Variants in CSMD1 observed in about 807,000 individuals in gnomAD.
CSMD1 encodes the protein CUB and Sushi multiple domains 1.
Under a neutral mutation model 417.5 loss-of-function variants are expected in CSMD1, and 213 were observed. The ratio of observed to expected loss-of-function variants is 0.51; its 90% CI spans 0.46 to 0.57. The LOEUF (loss-of-function observed/expected upper bound fraction) is 0.57, where lower values mean the gene tolerates loss of function less well. Among genes scored for constraint, CSMD1 ranks in the 20% least tolerant of loss-of-function variants. The pLI, the probability that CSMD1 is intolerant of heterozygous loss-of-function variation, is 0.00. For synonymous variants in CSMD1, 2,862 were observed against 1,736.8 expected (o/e 1.65, Z -16.11); for missense variants, 6,923 against 4,529.7 (o/e 1.53, Z -15.17).
chr8:3,797,390 T>C (rs113074246), intron 5 of CSMD1, among the ~76,000 whole-genome samples: 23 of 152,094 alleles, frequency 1.5e-4, no homozygotes, highest in Middle Eastern at 6.8e-3. Flanking sequence ...ATAAAACATT[T>C]TCATCAATAT....
chr8:4,955,494 C>A (rs1809038078), intron 1 of CSMD1, among the ~76,000 whole-genome samples: 1 of 151,578 alleles, frequency 6.6e-6, no homozygotes, highest in African/African-American at 2.4e-5. Context: ...CTCACTCTGT[C>A]ACCCAGGCTG....
intron 8 of CSMD1, among the ~76,000 whole-genome samples, chr8:3,591,930 G>A (rs1282858800): frequency 1.3e-5 from 2 of 152,104 alleles, no homozygotes; most frequent in Non-Finnish European, 2.9e-5. Context: ...CAGATACATA[G>A]ATGGATAGAT....
At position 3,449,128 on chromosome 8, in the gene CSMD1, T is replaced by G. The variant is rs548705297; in HGVS notation, c.1561+19584A>C. On this transcript the variant is annotated intron_variant, in intron 12 of 69. Coordinates refer to ENST00000635120, the MANE Select transcript of CSMD1 (RefSeq NM_033225.6). ...CAGCACAAAGCAACATGCAAAGCAC[T>G]TGTAATACACTTAATCTTTGAGTTT... Among the ~76,000 whole-genome samples, 23 of 152,340 alleles carry G rather than the reference T, an allele frequency of 1.5e-4. No homozygotes were observed. In the South Asian group the frequency reaches 1.9e-3, roughly 12 times the overall value.
intron 41 of CSMD1, among the ~76,000 whole-genome samples, chr8:3,135,390 G>T (rs1008798751): frequency 1.3e-5 from 2 of 152,102 alleles, no homozygotes; most frequent in East Asian, 1.9e-4. Context: ...CCTTCTTAAA[G>T]GAACTGGCTT....
intron 3 of CSMD1, among the ~76,000 whole-genome samples, chr8:4,172,992 C>T (rs749965100): frequency 2.6e-5 from 4 of 152,130 alleles, no homozygotes; most frequent in African/African-American, 9.7e-5. Context: ...TCCTGACCCA[C>T]AGAAACCTTG....
intron 52 of CSMD1, among the ~76,000 whole-genome samples, chr8:3,010,005 C>T (rs553607224): frequency 6.6e-6 from 1 of 152,158 alleles, no homozygotes; most frequent in Non-Finnish European, 1.5e-5. Flanking sequence ...GAATATACCC[C>T]ATTTCCACCT....
chr8:4,760,298 A>T (rs1811958581), intron 1 of CSMD1, among the ~76,000 whole-genome samples: 1 of 152,202 alleles, frequency 6.6e-6, no homozygotes, highest in South Asian at 2.1e-4. Flanking sequence ...TGTGAAGATA[A>T]TTCTTCTAAT....
At chr8:3,280,901 G>C (rs186754374) in intron 26 of CSMD1, among the ~76,000 whole-genome samples, 1 of 152,162 alleles carries the variant, frequency 6.6e-6, no homozygotes, top group Non-Finnish European at 1.5e-5. Flanking sequence ...AGAGAATCAT[G>C]AATATATAGA....
intron 7 of CSMD1, among the ~76,000 whole-genome samples, chr8:3,662,846 G>A (rs144092484): frequency 1.1e-3 from 172 of 152,132 alleles, no homozygotes; most frequent in East Asian, 9.7e-3. Flanking sequence ...CGGTGGGTAG[G>A]GGGAAAGAGG....
intron 38 of CSMD1, among the ~76,000 whole-genome samples, chr8:3,159,551 G>T (rs1819750226): frequency 6.6e-6 from 1 of 152,164 alleles, no homozygotes; most frequent in African/African-American, 2.4e-5. Flanking sequence ...TGACTAATAT[G>T]TAATTGATGC....
chr8:3,856,630 C>T (rs1008985280), intron 5 of CSMD1, among the ~76,000 whole-genome samples: 1 of 152,186 alleles, frequency 6.6e-6, no homozygotes, highest in African/African-American at 2.4e-5. Context: ...GTGCCCCTCC[C>T]TGCAGCAGCA....
chr8:2,966,365 G>T, intron 58 of CSMD1, among the ~76,000 whole-genome samples: 1 of 152,048 alleles, frequency 6.6e-6, no homozygotes, highest in East Asian at 1.9e-4. Context: ...GCCTTTTAAA[G>T]TAGCTTCAGC....
At chr8:3,287,394 G>A (rs1584933707) in intron 25 of CSMD1, among the ~76,000 whole-genome samples, 1 of 152,154 alleles carries the variant, frequency 6.6e-6, no homozygotes, top group Non-Finnish European at 1.5e-5. Flanking sequence ...ACCTTGGGCA[G>A]TATGGCCATT....
chr8:3,564,627 T>C (rs1799620183), intron 10 of CSMD1, among the ~76,000 whole-genome samples: 1 of 137,120 alleles, frequency 7.3e-6, no homozygotes, highest in Admixed American at 7.2e-5. Flanking sequence ...GAGGAGGCAG[T>C]AAAAATAAAT....
chr8:3,081,240 A>T (rs1261127911), intron 49 of CSMD1, among the ~76,000 whole-genome samples: 1 of 152,200 alleles, frequency 6.6e-6, no homozygotes, highest in East Asian at 1.9e-4. Context: ...ATTTGAATAT[A>T]TTCTTCTAGA....
intron 2 of CSMD1, among the ~76,000 whole-genome samples, chr8:4,590,419 T>G (rs964753819): frequency 6.6e-6 from 1 of 152,230 alleles, no homozygotes; most frequent in Non-Finnish European, 1.5e-5. Context: ...ATTAATTTTA[T>G]GTTATTCATC....
chr8:3,960,993 A>G (rs551403161), intron 5 of CSMD1, among the ~76,000 whole-genome samples: 11 of 151,000 alleles, frequency 7.3e-5, no homozygotes, highest in South Asian at 2.1e-4. Context: ...AATATATTAA[A>G]TTATCTGAAA....
chr8:3,967,535 T>A lies in CSMD1; in HGVS notation c.818+30368A>T, dbSNP rs1189050983. Reference sequence around the variant, plus strand: ...GATGGAGAATTAAAGAGAACTGAAATAAATGAAGCATGAGTGAGTTCAGCA... The same window carrying A: ...GATGGAGAATTAAAGAGAACTGAAAAAAATGAAGCATGAGTGAGTTCAGCA... On this transcript the variant is annotated intron_variant, in intron 5 of 69. Transcript: ENST00000635120. Among the ~76,000 whole-genome samples, 6 of 151,692 alleles carry A rather than the reference T, an allele frequency of 4.0e-5. No homozygotes were observed. In the East Asian group the frequency reaches 9.7e-4, roughly 24 times the overall value.
chr8:3,256,613 T>G (rs934555009), intron 26 of CSMD1, among the ~76,000 whole-genome samples: 1 of 152,234 alleles, frequency 6.6e-6, no homozygotes, highest in Non-Finnish European at 1.5e-5. Context: ...GTTTCTTACT[T>G]TTGACTCTGA....
Sources: allele counts gnomAD v4.1 joint callset (sites outside exome capture counted in the v4.1 genomes callset), GRCh38; gene constraint gnomAD v4.1.1; transcripts MANE v1.5; gene names NCBI Gene and HGNC (gene_info 2026-07-23, HGNC 2026-07-21).